CDH8: variants seen among roughly 807,000 people sequenced by gnomAD.
The protein encoded by CDH8 is cadherin-8.
Under a neutral mutation model 68.1 loss-of-function variants are expected in CDH8, and 17 were observed. The ratio of observed to expected loss-of-function variants is 0.25; its 90% CI spans 0.17 to 0.37. The LOEUF (loss-of-function observed/expected upper bound fraction) is 0.37. CDH8 is among the 10% of genes least tolerant of loss of function. The pLI, the probability that CDH8 is intolerant of heterozygous loss-of-function variation, is 1.00. For synonymous variants in CDH8, 372 were observed against 365.1 expected, an observed-to-expected ratio of 1.02 and a Z score of -0.21; for missense variants, 763 against 999.3, an observed-to-expected ratio of 0.76 and a Z score of 3.19.
chr16:61,836,209 C>T (rs1319922480), intron 4 of CDH8, among the ~76,000 whole-genome samples: 3 of 151,892 alleles, frequency 2.0e-5, no homozygotes, highest in Non-Finnish European at 4.4e-5. Flanking sequence ...TTGATCACAG[C>T]CTACCACTAC....
rs79291868 is a variant in CDH8 at position 61,849,074 on chromosome 16, C to T, written c.667+8045G>A. On this transcript the variant is annotated intron_variant, in intron 4 of 11. Transcript: ENST00000577390. The stretch of plus-strand genomic sequence containing the variant: ...CACTGGCCACCAGCACAGTTTGTTG[C>T]TACCTACAATTTTTGTTGTAATATT... Among the ~76,000 whole-genome samples, 471 of 152,182 alleles carry T rather than the reference C, an allele frequency of 3.1e-3. 6 individuals carry two copies. Among genetic ancestry groups the T allele is most frequent in the East Asian group, 0.022 (112 of 5,152 alleles).
rs112057283 is a variant in CDH8, at chr16:62,003,051, CA to C, written c.252+18100del. Among the ~76,000 whole-genome samples the C allele has an allele frequency of 6.4e-3, 923 of 145,190 alleles. 12 individuals carry two copies. Among genetic ancestry groups the C allele is most frequent in the African/African-American group, 0.021 (826 of 39,678 alleles). The stretch of plus-strand genomic sequence containing the variant: ...TGGGCGACAGAGCCAGACTCCGTTT[CA>C]AAAAAAAAAATCAGAAATGTTTGGC... On this transcript the variant is annotated intron_variant, in intron 2 of 11. Transcript: ENST00000577390.
intron 2 of CDH8, among the ~76,000 whole-genome samples, chr16:61,949,212 T>C (rs948347713): frequency 6.6e-6 from 1 of 152,124 alleles, no homozygotes; most frequent in Non-Finnish European, 1.5e-5. Context: ...TCTTTGGAGT[T>C]GGGAGCGTAG....
chr16:61,794,107 G>T (rs1291896008), intron 7 of CDH8, among the ~76,000 whole-genome samples: 1 of 151,994 alleles, frequency 6.6e-6, no homozygotes, highest in Non-Finnish European at 1.5e-5. Flanking sequence ...GAAAGCCAGA[G>T]AATAAAAGCT....
At chr16:61,980,676 T>C (rs968309908) in intron 2 of CDH8, among the ~76,000 whole-genome samples, 1 of 152,142 alleles carries the variant, frequency 6.6e-6, no homozygotes, top group Non-Finnish European at 1.5e-5. Context: ...ATGTAAAAAG[T>C]TGAGTAGATG....
chr16:61,888,048 A>G (rs530373965), intron 3 of CDH8, among the ~76,000 whole-genome samples: 10 of 152,306 alleles, frequency 6.6e-5, no homozygotes, highest in African/African-American at 2.2e-4. Flanking sequence ...GAAGTGAAGA[A>G]GGCAGACAGG....
chr16:61,748,120 T>G (rs150797492), intron 8 of CDH8, among the ~76,000 whole-genome samples: 1 of 152,052 alleles, frequency 6.6e-6, no homozygotes, highest in Non-Finnish European at 1.5e-5. Context: ...TGTGTATTCT[T>G]TATATAAGTC....
intron 10 of CDH8, among the ~76,000 whole-genome samples, chr16:61,664,793 G>A: frequency 6.6e-6 from 1 of 151,966 alleles, no homozygotes; most frequent in African/African-American, 2.4e-5. Context: ...TTACTGAAGT[G>A]AAATTGGATA....
intron 8 of CDH8, among the ~76,000 whole-genome samples, chr16:61,738,817 A>G (rs74247631): frequency 6.6e-6 from 1 of 151,912 alleles, no homozygotes; most frequent in African/African-American, 2.4e-5. Context: ...ATGCGTGTGT[A>G]TGTGTGTGTG....
chr16:61,702,109 A>C (rs900132584), intron 10 of CDH8, among the ~76,000 whole-genome samples: 17 of 152,162 alleles, frequency 1.1e-4, no homozygotes, highest in African/African-American at 3.9e-4. Context: ...GCGGTGGCTC[A>C]CTCCTGTAAT....
chr16:61,770,902 T>G (rs559470142), intron 8 of CDH8, among the ~76,000 whole-genome samples: 1 of 152,150 alleles, frequency 6.6e-6, no homozygotes, highest in Non-Finnish European at 1.5e-5. Context: ...AACTCACTAA[T>G]GTTTTCTGTA....
chr16:61,802,167 C>T (rs1187572068), intron 7 of CDH8, among the ~76,000 whole-genome samples: 38 of 118,276 alleles, frequency 3.2e-4, no homozygotes, highest in East Asian at 1.1e-3. Flanking sequence ...CCCTGACCCC[C>T]GAGCAGCCTA....
intron 2 of CDH8, among the ~76,000 whole-genome samples, chr16:61,973,060 G>A (rs1965371137): frequency 6.6e-6 from 1 of 152,118 alleles, no homozygotes; most frequent in Non-Finnish European, 1.5e-5. Context: ...TGAACAACAT[G>A]GATTGGAGTT....
rs780679262 is a variant in CDH8 at position 62,021,425 on chromosome 16, C to T, written c.-22G>A. 2.5e-6 allele frequency: 4 copies of T among 1,580,176 alleles called. No homozygotes were observed. In the South Asian group the frequency reaches 4.6e-5, roughly 18 times the overall value. On this transcript the variant is annotated 5_prime_UTR_variant, in exon 2 of 12. Coordinates refer to ENST00000577390, the MANE Select transcript of CDH8 (RefSeq NM_001796.5). ...GCATGGTCCCACCAGTTAAGCAAATCACCACGAAAATGAGACAATTATTTT... is the reference window on the plus strand; with the variant it reads ...GCATGGTCCCACCAGTTAAGCAAATTACCACGAAAATGAGACAATTATTTT...
At chr16:61,901,024 G>A in intron 3 of CDH8, 155 bp downstream of exon 3, 2 of 638,462 alleles carry the variant, frequency 3.1e-6, no homozygotes, top group Non-Finnish European at 5.4e-6. Flanking sequence ...AAGCTACTGA[G>A]CTGTGGAACT....
chr16:61,759,993 A>G (rs1960422173), intron 8 of CDH8, among the ~76,000 whole-genome samples: 1 of 152,046 alleles, frequency 6.6e-6, no homozygotes, highest in African/African-American at 2.4e-5. Flanking sequence ...ACCATGAAAC[A>G]TGGACACCAT....
chr16:61,857,310 G>T, intron 3 of CDH8, 72 bp from the exon 4 acceptor site: 1 of 1,361,848 alleles, frequency 7.3e-7, no homozygotes, highest in Non-Finnish European at 1.0e-6. Context: ...ATTTTGTCAA[G>T]TATTTTATAC....
intron 2 of CDH8, among the ~76,000 whole-genome samples, chr16:61,950,540 A>G (rs1437067690): frequency 1.3e-5 from 2 of 152,226 alleles, no homozygotes; most frequent in Non-Finnish European, 2.9e-5. Context: ...GTTACAATAT[A>G]AAGAACTACG....
chr16:61,953,333 T>C (rs1964926040), intron 2 of CDH8, among the ~76,000 whole-genome samples: 1 of 152,192 alleles, frequency 6.6e-6, no homozygotes, highest in Non-Finnish European at 1.5e-5. Flanking sequence ...ATATTTCTCA[T>C]ACTTCTGCTA....
Sources: allele counts gnomAD v4.1 joint callset (sites outside exome capture counted in the v4.1 genomes callset), GRCh38; gene constraint gnomAD v4.1.1; transcripts MANE v1.5; gene names NCBI Gene and HGNC (gene_info 2026-07-23, HGNC 2026-07-21).